Variants in TDP1 observed in about 807,000 individuals in gnomAD.
The protein encoded by TDP1 is tyr-DNA phosphodiesterase 1.
A neutral mutation model predicts 81.5 loss-of-function variants in TDP1; 64 were observed. That is an observed-to-expected ratio of 0.79 (90% CI 0.64 to 0.97). TDP1 has a LOEUF of 0.97. Among genes scored for constraint, TDP1 ranks in the 50% least tolerant of loss-of-function variants. The pLI, the probability that TDP1 is intolerant of heterozygous loss-of-function variation, is 0.00. For synonymous variants in TDP1, 256 were observed against 264.3 expected, an observed-to-expected ratio of 0.97 and a Z score of 0.30; for missense variants, 723 against 743.8, an observed-to-expected ratio of 0.97 and a Z score of 0.33.
intron 14 of TDP1, among the ~76,000 whole-genome samples, chr14:90,004,139 C>G (rs114365691): frequency 0.039 from 5,908 of 152,182 alleles, 379 homozygotes; most frequent in African/African-American, 0.13. Flanking sequence ...GGTCATATTA[C>G]TACCCTCACC....
chr14:89,962,953 A>G (rs1471233263), intron 2 of TDP1, 155 bp from the exon 3 acceptor site: 1 of 985,284 alleles, frequency 1.0e-6, no homozygotes, highest in East Asian at 1.1e-4. Context: ...GGATTCTGGT[A>G]ATGTGCTTAT....
At chr14:90,039,650 G>T (rs1433789233) in intron 16 of TDP1, among the ~76,000 whole-genome samples, 1 of 150,502 alleles carries the variant, frequency 6.6e-6, no homozygotes, top group Non-Finnish European at 1.5e-5. Flanking sequence ...GATTTTGTAC[G>T]TCACTTGGAT....
intron 14 of TDP1, among the ~76,000 whole-genome samples, chr14:90,009,264 T>C (rs1341790177): frequency 6.6e-6 from 1 of 152,228 alleles, no homozygotes. Flanking sequence ...CCAATGTCTA[T>C]GTTAATATCT....
intron 14 of TDP1, among the ~76,000 whole-genome samples, chr14:90,011,244 G>A (rs1467963935): frequency 6.6e-6 from 1 of 152,174 alleles, no homozygotes; most frequent in Non-Finnish European, 1.5e-5. Context: ...CCAGTCTTGG[G>A]TATGTCTTTA....
intron 16 of TDP1, among the ~76,000 whole-genome samples, chr14:90,037,847 C>T (rs1186198608): frequency 6.6e-6 from 1 of 152,196 alleles, no homozygotes; most frequent in Non-Finnish European, 1.5e-5. Context: ...AGAGAAAGTT[C>T]ATGCATTGAG....
intron 5 of TDP1, among the ~76,000 whole-genome samples, chr14:89,968,474 C>G (rs1363726494): frequency 2.0e-5 from 3 of 152,192 alleles, no homozygotes; most frequent in African/African-American, 7.2e-5. Context: ...CAAAAAGGCC[C>G]ACATTCTAGC....
chr14:89,963,145 A>C lies in TDP1; in HGVS notation c.31A>C (p.Thr11Pro). 1 of 1,614,062 alleles carries C rather than the reference A, an allele frequency of 6.2e-7. No individual in the cohort carries two copies. Among genetic ancestry groups the C allele is most frequent in the Non-Finnish European group, 8.5e-7 (1 of 1,179,984 alleles). Reference sequence around the variant, plus strand: ...TCAGGAAGGCGATTATGGGAGGTGGACCATATCTAGTAGTGATGAAAGTGA... The same window carrying C: ...TCAGGAAGGCGATTATGGGAGGTGGCCCATATCTAGTAGTGATGAAAGTGA... MSQEGDYGRW[T>P]ISSSDESEEE... The change falls in exon 3 of 17, where the codon ACC becomes CCC. Residue 11 changes from threonine (T) to proline (P), a missense_variant. Thr to Pro is a conservative substitution (Grantham distance 38, BLOSUM62 -1). Transcript: ENST00000335725.
At chr14:90,012,587 C>T (rs566758734) in intron 14 of TDP1, among the ~76,000 whole-genome samples, 5 of 152,206 alleles carry the variant, frequency 3.3e-5, no homozygotes, top group African/African-American at 1.2e-4. Flanking sequence ...TGTGTACCCG[C>T]AAGGCCATTG....
intron 6 of TDP1, chr14:89,975,562 TC>T: frequency 1.2e-6 from 1 of 832,100 alleles, no homozygotes. Flanking sequence ...GTATAATCAT[TC>T]TGGGTAACAA....
intron 6 of TDP1, 87 bp from the exon 7 acceptor site, chr14:89,975,694 T>C (rs1894227359): frequency 5.6e-6 from 7 of 1,256,392 alleles, no homozygotes; most frequent in Non-Finnish European, 7.0e-6. Flanking sequence ...AAAAAAAAAG[T>C]TGACCTGATT....
chr14:90,043,507 A>C lies in TDP1; in HGVS notation c.*364A>C, dbSNP rs1208245018. On this transcript the variant is annotated 3_prime_UTR_variant, in exon 17 of 17. Coordinates refer to ENST00000335725, the MANE Select transcript of TDP1 (RefSeq NM_018319.4). ...CATAGCATAATGAGATATCTTGGGA[A>C]TGGGACCCAAATCTAAACACAAAAT... is the stretch of plus-strand genomic sequence containing the variant. 1 of 346,130 alleles carries C rather than the reference A, an allele frequency of 2.9e-6. No individual in the cohort carries two copies. Among genetic ancestry groups the C allele is most frequent in the African/African-American group, 2.1e-5 (1 of 47,698 alleles). 21.4% of individuals were successfully genotyped at this position (346,130 alleles called of 1,614,324 possible).
chr14:90,041,596 G>C (rs1268343695), intron 16 of TDP1, among the ~76,000 whole-genome samples: 2 of 152,180 alleles, frequency 1.3e-5, no homozygotes, highest in Non-Finnish European at 2.9e-5. Context: ...AAAGGGAAAG[G>C]TTGCCCCAGA....
Position 89,984,699 on chromosome 14 carries a change from T to C in TDP1, c.1052+16T>C. The C allele has an allele frequency of 6.2e-7, 1 of 1,612,990 alleles. No homozygotes were observed. Among genetic ancestry groups the C allele is most frequent in the Non-Finnish European group, 8.5e-7 (1 of 1,179,990 alleles). On this transcript the variant is annotated intron_variant, in intron 9 of 16. Coordinates refer to ENST00000335725, the MANE Select transcript of TDP1 (RefSeq NM_018319.4). ...CTGAAACAAAGTATGTGTCAGCTTA[T>C]CAATTTGGGGTGCTTATGATAGGCT...
intron 15 of TDP1, among the ~76,000 whole-genome samples, chr14:90,027,146 G>A (rs1361832447): frequency 2.0e-5 from 3 of 151,962 alleles, no homozygotes; most frequent in African/African-American, 7.3e-5. Context: ...TTTAATGATC[G>A]CCATTCTAAC....
chr14:89,957,623 G>C (rs2139889783), intron 2 of TDP1, among the ~76,000 whole-genome samples: 1 of 152,336 alleles, frequency 6.6e-6, no homozygotes, highest in East Asian at 1.9e-4. Flanking sequence ...GTCTCATATA[G>C]TGGGGAGTGA....
chr14:89,965,771 AGTCTT>A (rs1215913270), intron 3 of TDP1: 1 of 984,904 alleles, frequency 1.0e-6, no homozygotes, highest in African/African-American at 1.7e-5. Context: ...AAGTTTTTCT[AGTCTT>A]GAGTTGGGAG....
intron 14 of TDP1, among the ~76,000 whole-genome samples, chr14:90,008,087 T>G (rs1884257325): frequency 6.6e-6 from 1 of 152,220 alleles, no homozygotes; most frequent in East Asian, 1.9e-4. Flanking sequence ...TTATTTTTAT[T>G]TAGTCTCAGC....
intron 14 of TDP1, among the ~76,000 whole-genome samples, chr14:90,004,420 A>G (rs1897462806): frequency 6.6e-6 from 1 of 152,200 alleles, no homozygotes; most frequent in Non-Finnish European, 1.5e-5. Flanking sequence ...TGCTTACTAT[A>G]TGCTGGCCAA....
At chr14:90,028,882 G>A (rs933341358) in intron 15 of TDP1, among the ~76,000 whole-genome samples, 8 of 152,066 alleles carry the variant, frequency 5.3e-5, no homozygotes, top group East Asian at 1.9e-4. Flanking sequence ...CTGTGGCCAC[G>A]ATATATTTGA....
Sources: gnomAD v4.1 joint callset for allele counts (sites outside exome capture counted in the v4.1 genomes callset) on GRCh38, gnomAD v4.1.1 for gene constraint, MANE v1.5 for transcripts, NCBI Gene and HGNC (gene_info 2026-07-23, HGNC 2026-07-21) for gene names.